Variants in TOX observed in about 807,000 individuals in gnomAD.
TOX encodes thymocyte selection-associated high mobility group box protein TOX.
TOX carries 11 observed loss-of-function variants against 53.7 expected under a neutral mutation model. That is an observed-to-expected ratio of 0.20 (90% CI 0.13 to 0.34). The LOEUF is 0.34. TOX is among the 10% of genes least tolerant of loss of function. The pLI, the probability that TOX is intolerant of heterozygous loss-of-function variation, is 1.00. For synonymous variants in TOX, 225 were observed against 245.3 expected (o/e 0.92, Z 0.77); for missense variants, 570 against 664.6 (o/e 0.86, Z 1.56).
At chr8:58,891,172 C>T (rs1339749040) in intron 3 of TOX, among the ~76,000 whole-genome samples, 1 of 152,034 alleles carries the variant, frequency 6.6e-6, no homozygotes, top group Non-Finnish European at 1.5e-5. Context: ...TCTTTAGGAA[C>T]AGCGCTGAGT....
At chr8:59,016,892 A>G (rs1018283806) in intron 1 of TOX, among the ~76,000 whole-genome samples, 2 of 152,218 alleles carry the variant, frequency 1.3e-5, no homozygotes, top group Non-Finnish European at 2.9e-5. Flanking sequence ...TGACTTTTAT[A>G]GCTTTGTAGA....
intron 2 of TOX, among the ~76,000 whole-genome samples, chr8:58,955,987 G>C (rs548605066): frequency 6.6e-6 from 1 of 151,902 alleles, no homozygotes; most frequent in Non-Finnish European, 1.5e-5. Flanking sequence ...CGCCCACTTC[G>C]GCCTCCCAAA....
At chr8:58,872,762 C>A (rs1256161626) in intron 3 of TOX, among the ~76,000 whole-genome samples, 1 of 152,044 alleles carries the variant, frequency 6.6e-6, no homozygotes, top group East Asian at 1.9e-4. Context: ...GAAGAGTCTA[C>A]TAAGACATGA....
At chr8:59,049,019 T>C (rs1229631790) in intron 1 of TOX, among the ~76,000 whole-genome samples, 1 of 151,796 alleles carries the variant, frequency 6.6e-6, no homozygotes, top group Non-Finnish European at 1.5e-5. Flanking sequence ...TTTCAGCTAG[T>C]TTGCAATCTA....
chr8:58,898,782 A>C (rs1198839594), intron 3 of TOX, among the ~76,000 whole-genome samples: 1 of 152,200 alleles, frequency 6.6e-6, no homozygotes, highest in African/African-American at 2.4e-5. Context: ...GATTCAGAGG[A>C]GGTCAACCCC....
intron 1 of TOX, among the ~76,000 whole-genome samples, chr8:58,963,306 G>GATATATAT (rs74274681): frequency 0.012 from 1,545 of 131,652 alleles, 17 homozygotes; most frequent in East Asian, 0.074. Context: ...TAGATAGATA[G>GATATATAT]ATATATATAT....
chr8:58,961,898 A>C lies in TOX; in HGVS notation c.103-1890T>G, dbSNP rs202043701. Among the ~76,000 whole-genome samples the C allele has an allele frequency of 3.9e-5, 6 of 152,286 alleles. No homozygotes were observed. In the South Asian group the frequency reaches 8.3e-4, roughly 21 times the overall value. ...AACTCAAGACCTAACAAAGAGCCTC[A>C]CTGTGCATTTCTTCATCTCCACCCA... On this transcript the variant is annotated intron_variant, in intron 1 of 8. Transcript: ENST00000361421.
intron 3 of TOX, among the ~76,000 whole-genome samples, chr8:58,921,191 A>G (rs1812068600): frequency 6.6e-6 from 1 of 152,262 alleles, no homozygotes; most frequent in Non-Finnish European, 1.5e-5. Context: ...GAACAAGTGC[A>G]AGCTATATTT....
At chr8:58,828,121 G>T (rs1165097419) in intron 5 of TOX, among the ~76,000 whole-genome samples, 1 of 152,170 alleles carries the variant, frequency 6.6e-6, no homozygotes, top group Non-Finnish European at 1.5e-5. Flanking sequence ...CTGCCATTTG[G>T]CAGCAGGGGT....
intron 6 of TOX, among the ~76,000 whole-genome samples, chr8:58,817,186 C>G (rs377480401): frequency 1.3e-5 from 2 of 152,004 alleles, no homozygotes; most frequent in East Asian, 3.9e-4. Context: ...TAATTCCAGC[C>G]CCTTTGGAGA....
intron 2 of TOX, among the ~76,000 whole-genome samples, chr8:58,951,715 G>A (rs1323044969): frequency 6.6e-6 from 1 of 152,136 alleles, no homozygotes; most frequent in African/African-American, 2.4e-5. Flanking sequence ...CTTCGTTACT[G>A]GTCTTAAATC....
intron 3 of TOX, among the ~76,000 whole-genome samples, chr8:58,874,233 T>A (rs1041390162): frequency 9.9e-5 from 15 of 151,754 alleles, no homozygotes; most frequent in South Asian, 6.3e-4. Flanking sequence ...TAGATTTTTT[T>A]AAAAAAAACT....
intron 1 of TOX, among the ~76,000 whole-genome samples, chr8:59,033,093 G>T (rs536227389): frequency 6.6e-6 from 1 of 152,030 alleles, no homozygotes; most frequent in South Asian, 2.1e-4. Context: ...AAGGCTAAGA[G>T]AAGTTAAGAT....
intron 1 of TOX, among the ~76,000 whole-genome samples, chr8:58,964,712 C>G (rs556347459): frequency 1.3e-5 from 2 of 152,274 alleles, no homozygotes; most frequent in South Asian, 4.1e-4. Flanking sequence ...GGGGATAGAA[C>G]TAAGGTCTGG....
At chr8:59,037,472 A>G (rs972649804) in intron 1 of TOX, among the ~76,000 whole-genome samples, 3 of 152,128 alleles carry the variant, frequency 2.0e-5, no homozygotes, top group African/African-American at 7.2e-5. Flanking sequence ...AACAATAAAA[A>G]CAAAATAAAA....
At chr8:58,811,190 T>G (rs1451348776) in intron 7 of TOX, among the ~76,000 whole-genome samples, 1 of 152,196 alleles carries the variant, frequency 6.6e-6, no homozygotes, top group Non-Finnish European at 1.5e-5. Flanking sequence ...TGATTATTGG[T>G]GTAAATATGA....
rs117223794 is a variant in TOX, at chr8:58,832,410, T to C, written c.925-5508A>G. On this transcript the variant is annotated intron_variant, in intron 5 of 8. Transcript: ENST00000361421. ...AAAATGCTTAATGTTTATAAGAAAA[T>C]GGCCAAGATAAACACATGTGTGAAT... is the stretch of plus-strand genomic sequence containing the variant. Among the ~76,000 whole-genome samples the C allele has an allele frequency of 8.9e-4, 135 of 151,990 alleles. 2 individuals carry two copies. The East Asian group carries it at 0.023, about 26-fold the overall frequency.
intron 1 of TOX, among the ~76,000 whole-genome samples, chr8:58,993,128 G>A (rs1423307852): frequency 6.6e-6 from 1 of 152,054 alleles, no homozygotes; most frequent in Non-Finnish European, 1.5e-5. Flanking sequence ...ACCTGAACTG[G>A]GAAGAGTAAC....
intron 1 of TOX, among the ~76,000 whole-genome samples, chr8:58,978,955 C>T (rs969679186): frequency 1.1e-4 from 16 of 152,258 alleles, no homozygotes; most frequent in South Asian, 1.0e-3. Context: ...TATCTACCTC[C>T]GAAAAATGCT....
Sources: gnomAD v4.1 joint callset for allele counts (sites outside exome capture counted in the v4.1 genomes callset) on GRCh38, gnomAD v4.1.1 for gene constraint, MANE v1.5 for transcripts, NCBI Gene and HGNC (gene_info 2026-07-23, HGNC 2026-07-21) for gene names.